The following CCDC174 variants were observed in gnomAD, a reference collection of about 807,000 sequenced individuals.
CCDC174 encodes the protein coiled-coil domain containing 174.
In CCDC174, 37 loss-of-function variants were observed where a neutral mutation model predicts 57.1. That is an observed-to-expected ratio of 0.65 (90% CI 0.50 to 0.85). The LOEUF (loss-of-function observed/expected upper bound fraction) is 0.85. CCDC174 is among the 40% of genes least tolerant of loss of function. The pLI, the probability that CCDC174 is intolerant of heterozygous loss-of-function variation, is 0.00. For missense variants in CCDC174, 540 were observed against 574.3 expected (o/e 0.94, Z 0.61); for synonymous variants, 182 against 190.2 (o/e 0.96, Z 0.35).
intron 8 of CCDC174, among the ~76,000 whole-genome samples, 196 bp downstream of exon 8, chr3:14,667,714 T>G (rs1178449806): frequency 6.6e-6 from 1 of 152,240 alleles, no homozygotes; most frequent in Non-Finnish European, 1.5e-5. Flanking sequence ...CTTTGATGTT[T>G]TAAATCTGGT....
chr3:14,657,370 A>T (rs534438334), intron 3 of CCDC174, among the ~76,000 whole-genome samples: 2 of 152,356 alleles, frequency 1.3e-5, no homozygotes, highest in South Asian at 4.1e-4. Flanking sequence ...TACTTAGGTT[A>T]TGAAGTCCTT....
intron 9 of CCDC174, among the ~76,000 whole-genome samples, 168 bp downstream of exon 9, chr3:14,668,349 G>A (rs2031409247): frequency 6.6e-6 from 1 of 152,172 alleles, no homozygotes; most frequent in Admixed American, 6.5e-5. Flanking sequence ...AAGTGATGCA[G>A]AATGACATTC....
chr3:14,656,279 AT>A (rs1261383714), intron 3 of CCDC174, among the ~76,000 whole-genome samples: 2 of 152,168 alleles, frequency 1.3e-5, no homozygotes, highest in Non-Finnish European at 2.9e-5. Context: ...TATTTTATAG[AT>A]TTAAAAAAAA....
In CCDC174 at chr3:14,666,966, A is replaced by T; in HGVS notation, c.724+19A>T. On this transcript the variant is annotated intron_variant, in intron 7 of 10. Transcript: ENST00000383794. ...GAAAATGGTATGACTATTTTCTTGC[A>T]GCTTTGCAAATCTTATTTTTAACCT... The T allele has an allele frequency of 6.4e-7, 1 of 1,566,140 alleles. No homozygotes were observed. Among genetic ancestry groups the T allele is most frequent in the Non-Finnish European group, 8.6e-7 (1 of 1,163,590 alleles).
At chr3:14,661,049 C>T (rs971492670) in intron 4 of CCDC174, among the ~76,000 whole-genome samples, 1 of 152,168 alleles carries the variant, frequency 6.6e-6, no homozygotes, top group Non-Finnish European at 1.5e-5. Flanking sequence ...ACTCAGATGA[C>T]TTCTTTTACC....
At chr3:14,654,843 T>A (rs1197125133) in intron 2 of CCDC174, among the ~76,000 whole-genome samples, 1 of 152,222 alleles carries the variant, frequency 6.6e-6, no homozygotes, top group Non-Finnish European at 1.5e-5. Flanking sequence ...AATTAGATAA[T>A]ATAGGAATAT....
At chr3:14,657,171 T>G (rs1165250867) in intron 3 of CCDC174, among the ~76,000 whole-genome samples, 1 of 152,262 alleles carries the variant, frequency 6.6e-6, no homozygotes, top group African/African-American at 2.4e-5. Context: ...GTGCTTTTTC[T>G]ATGCAGTAAC....
intron 5 of CCDC174, among the ~76,000 whole-genome samples, chr3:14,662,888 T>G (rs1559381599): frequency 6.6e-6 from 1 of 152,344 alleles, no homozygotes; most frequent in Middle Eastern, 3.4e-3. Flanking sequence ...ACATTCTCAT[T>G]GGGATAAAAC....
In CCDC174 at chr3:14,666,648, T is replaced by A. The variant is rs566682405; in HGVS notation, c.582-157T>A. Reference sequence around the variant, plus strand: ...AAAAAAAAAAAAGGCGAAGGCTGTTTTATTGATTTTCCAGCAGTCTTGTGG... The same window carrying A: ...AAAAAAAAAAAAGGCGAAGGCTGTTATATTGATTTTCCAGCAGTCTTGTGG... On this transcript the variant is annotated intron_variant, in intron 6 of 10. Coordinates refer to ENST00000383794, the MANE Select transcript of CCDC174 (RefSeq NM_016474.5). 3.9e-5 allele frequency among the ~76,000 whole-genome samples: 6 copies of A among 152,216 alleles called. 1 individual carries two copies. Among genetic ancestry groups the A allele is most frequent in the Middle Eastern group, 6.8e-3 (2 of 294 alleles).
chr3:14,660,007 C>T (rs984820414), intron 4 of CCDC174, among the ~76,000 whole-genome samples: 1 of 152,164 alleles, frequency 6.6e-6, no homozygotes, highest in Non-Finnish European at 1.5e-5. Context: ...CGCTTCTTCC[C>T]AGACAGCAGG....
At chr3:14,655,961 C>G (rs1007476764) in intron 3 of CCDC174, among the ~76,000 whole-genome samples, 2 of 152,152 alleles carry the variant, frequency 1.3e-5, no homozygotes, top group Non-Finnish European at 2.9e-5. Context: ...TCCCCCCCAC[C>G]TTTTATTTTG....
chr3:14,653,437 T>G (rs761968161), intron 1 of CCDC174, among the ~76,000 whole-genome samples: 3 of 152,252 alleles, frequency 2.0e-5, no homozygotes, highest in Non-Finnish European at 2.9e-5. Context: ...TTAAATCGAT[T>G]TCTTCCAAAA....
In CCDC174 at chr3:14,667,482, C is replaced by T. The variant is rs184344524; in HGVS notation, c.783C>T (p.Asn261=). ...TTGCCCGAGACAAAGAGTTGAGAAA[C>T]AAGCAGATGAAAACCTTAGAGATGC... ...FAFARDKELR[N]KQMKTLEMLR... Residue 261 remains asparagine (N), a synonymous_variant, in exon 8 of 11, where the codon AAC becomes AAT. Coordinates refer to ENST00000383794, the MANE Select transcript of CCDC174 (RefSeq NM_016474.5). 1 of 1,613,776 alleles carries T rather than the reference C, an allele frequency of 6.2e-7. No homozygotes were observed. Among genetic ancestry groups the T allele is most frequent in the South Asian group, 1.1e-5 (1 of 91,070 alleles).
At chr3:14,667,941 G>A in intron 8 of CCDC174, 108 bp from the exon 9 acceptor site, 1 of 1,039,368 alleles carries the variant, frequency 9.6e-7, no homozygotes, top group Non-Finnish European at 1.4e-6. Flanking sequence ...CTTAGAGGTG[G>A]CCTGAAGATC....
At chr3:14,656,568 T>A (rs1040098095) in intron 3 of CCDC174, among the ~76,000 whole-genome samples, 9 of 152,232 alleles carry the variant, frequency 5.9e-5, no homozygotes, top group Non-Finnish European at 8.8e-5. Context: ...ATAGGTTTGA[T>A]TACTTGGTTA....
chr3:14,662,340 CCCCCTTCAAGAAGTAAG>C (rs2031169345), intron 5 of CCDC174, among the ~76,000 whole-genome samples: 2 of 149,766 alleles, frequency 1.3e-5, no homozygotes, highest in African/African-American at 4.9e-5. Flanking sequence ...ACCCCCCCGC[CCCCCTTCAAGAAGTAAG>C]TGTTCCAGGC....
At position 14,667,433 on chromosome 3, in the gene CCDC174, A is replaced by G; in HGVS notation, c.734A>G (p.Gln245Arg). The part of the protein sequence containing the change: ...YEDIRENEAR[Q>R]LGVGYFAFAR... ...TTCATACTTCTTTCAGAGGCCCGGCAACTTGGTGTTGGGTATTTTGCCTTT... is the reference window on the plus strand; with the variant it reads ...TTCATACTTCTTTCAGAGGCCCGGCGACTTGGTGTTGGGTATTTTGCCTTT... Residue 245 changes from glutamine (Q) to arginine (R), a missense_variant, in exon 8 of 11, where the codon CAA (glutamine) becomes CGA (arginine). By Grantham distance (43) the Gln-to-Arg change is conservative. Coordinates refer to ENST00000383794, the MANE Select transcript of CCDC174 (RefSeq NM_016474.5). 6.2e-7 allele frequency: 1 copy of G among 1,613,828 alleles called. No individual in the cohort carries two copies. The highest frequency in any genetic ancestry group is 2.2e-5 in the East Asian group (1 of 44,838).
In CCDC174 at chr3:14,671,836, T is replaced by G. The variant is rs998689241; in HGVS notation, c.*642T>G. 1.2e-4 allele frequency: 19 copies of G among 152,540 alleles called. No individual in the cohort carries two copies. The highest frequency in any genetic ancestry group is 4.3e-4 in the African/African-American group (18 of 41,472). The allele number at this position is 152,540 out of a possible 1,614,324, so 9.4% of individuals were successfully genotyped here. ...GCAGTGGGCATTCAGTAAATGTGTG[T>G]TGAAGGACTGGGACGTACGTGGAGG... On this transcript the variant is annotated 3_prime_UTR_variant, in exon 11 of 11. Transcript: ENST00000383794.
rs975324212 is a variant in CCDC174, at chr3:14,672,329, T to G, written c.*1135T>G. 1 of 152,338 alleles carries G rather than the reference T, an allele frequency of 6.6e-6. No individual in the cohort carries two copies. The highest frequency in any genetic ancestry group is 1.5e-5 in the Non-Finnish European group (1 of 68,154). The allele number at this position is 152,338 out of a possible 1,614,324, so 9.4% of individuals were successfully genotyped here. On this transcript the variant is annotated 3_prime_UTR_variant, in exon 11 of 11. Coordinates refer to ENST00000383794, the MANE Select transcript of CCDC174 (RefSeq NM_016474.5). ...TGTCTCGGTTCCCGCAGTGCTGCAGTGTGGAAGGGAGTGCCCCATCCTCAT... is the reference window on the plus strand; with the variant it reads ...TGTCTCGGTTCCCGCAGTGCTGCAGGGTGGAAGGGAGTGCCCCATCCTCAT...
Sources: allele counts gnomAD v4.1 joint callset (sites outside exome capture counted in the v4.1 genomes callset), GRCh38; gene constraint gnomAD v4.1.1; transcripts MANE v1.5; gene names NCBI Gene and HGNC (gene_info 2026-07-23, HGNC 2026-07-21).